Variants in NELL1 observed in about 807,000 individuals in gnomAD.
NELL1 encodes protein kinase C-binding protein NELL1.
In NELL1, 76 loss-of-function variants were observed where a neutral mutation model predicts 107.4. That is an observed-to-expected ratio of 0.71 (90% CI 0.59 to 0.86). NELL1 has a LOEUF of 0.86. Ranked by LOEUF, NELL1 falls within the 40% of genes least tolerant of loss-of-function variation. NELL1 has a pLI of 0.00. For missense variants in NELL1, 1,024 were observed against 1,005.5 expected, an observed-to-expected ratio of 1.02 and a Z score of -0.25; for synonymous variants, 353 against 341.2, an observed-to-expected ratio of 1.03 and a Z score of -0.38.
intron 14 of NELL1, among the ~76,000 whole-genome samples, chr11:21,328,286 G>A (rs745673376): frequency 5.3e-5 from 8 of 151,242 alleles, no homozygotes; most frequent in Non-Finnish European, 1.0e-4. Flanking sequence ...AAAAGGGGCC[G>A]ATGTACAGTT....
chr11:20,866,280 A>G (rs1180426797), intron 4 of NELL1, among the ~76,000 whole-genome samples: 1 of 152,112 alleles, frequency 6.6e-6, no homozygotes, highest in Non-Finnish European at 1.5e-5. Flanking sequence ...CTGGCAGGAG[A>G]ACAGGACCTA....
At chr11:21,336,128 TC>T (rs1427406222) in intron 14 of NELL1, among the ~76,000 whole-genome samples, 1 of 152,214 alleles carries the variant, frequency 6.6e-6, no homozygotes, top group Non-Finnish European at 1.5e-5. Flanking sequence ...AGTGTTTTTT[TC>T]GTAAACTTTC....
chr11:21,244,354 A>G (rs925281260), intron 14 of NELL1, among the ~76,000 whole-genome samples: 3 of 152,128 alleles, frequency 2.0e-5, no homozygotes, highest in African/African-American at 7.2e-5. Flanking sequence ...TCTTACAGCC[A>G]TTAGACAGAG....
At chr11:21,237,167 C>T (rs1554985915) in intron 14 of NELL1, among the ~76,000 whole-genome samples, 1 of 152,102 alleles carries the variant, frequency 6.6e-6, no homozygotes, top group Non-Finnish European at 1.5e-5. Flanking sequence ...GGCTGAGCCA[C>T]CCCACTCATT....
At chr11:21,437,564 G>T (rs955815401) in intron 15 of NELL1, among the ~76,000 whole-genome samples, 1 of 152,056 alleles carries the variant, frequency 6.6e-6, no homozygotes, top group Non-Finnish European at 1.5e-5. Flanking sequence ...TCTCCATGTT[G>T]GTCACTCTGG....
intron 2 of NELL1, chr11:20,769,093 G>A (rs1856591728): frequency 6.6e-6 from 1 of 152,516 alleles, no homozygotes; most frequent in African/African-American, 2.4e-5. Flanking sequence ...AAGGGGAAAT[G>A]AGGAGAGGGG....
chr11:21,048,132 A>T (rs1590581896), intron 12 of NELL1, among the ~76,000 whole-genome samples: 1 of 150,986 alleles, frequency 6.6e-6, no homozygotes. Flanking sequence ...GGAAACATCC[A>T]TTTTTTTTTC....
intron 12 of NELL1, among the ~76,000 whole-genome samples, chr11:21,092,857 A>T (rs984515054): frequency 6.6e-6 from 1 of 152,172 alleles, no homozygotes; most frequent in African/African-American, 2.4e-5. Flanking sequence ...TAGAAGGCCT[A>T]GGGATAGCTC....
rs550936946 is a variant in NELL1, at chr11:20,950,635, A to G, written c.1171+3200A>G. On this transcript the variant is annotated intron_variant, in intron 11 of 19. Transcript: ENST00000357134. ...CTCCCCTTCTCCCCTTCTCTGAAACAGAAAGTAATGAAAAGTCGAGAAACA... is the reference window on the plus strand; with the variant it reads ...CTCCCCTTCTCCCCTTCTCTGAAACGGAAAGTAATGAAAAGTCGAGAAACA... Among the ~76,000 whole-genome samples, 8 of 152,342 alleles carry G rather than the reference A, an allele frequency of 5.3e-5. No individual in the cohort carries two copies. In the South Asian group the frequency reaches 1.2e-3, roughly 24 times the overall value.
intron 3 of NELL1, among the ~76,000 whole-genome samples, chr11:20,846,877 C>T (rs979120419): frequency 6.6e-6 from 1 of 152,080 alleles, no homozygotes; most frequent in African/African-American, 2.4e-5. Flanking sequence ...GAGGAGTGTC[C>T]CAAAGTTGCT....
At chr11:21,276,846 C>T (rs566674626) in intron 14 of NELL1, among the ~76,000 whole-genome samples, 146 of 152,042 alleles carry the variant, frequency 9.6e-4, no homozygotes, top group Admixed American at 1.3e-3. Context: ...GCTAGCCATA[C>T]GTAGAAAGCT....
intron 3 of NELL1, among the ~76,000 whole-genome samples, chr11:20,837,760 T>C (rs1324361819): frequency 6.6e-6 from 1 of 152,096 alleles, no homozygotes; most frequent in East Asian, 1.9e-4. Flanking sequence ...ATAAACAGTG[T>C]TGGATTGTAA....
intron 2 of NELL1, among the ~76,000 whole-genome samples, chr11:20,695,912 T>C (rs1854602669): frequency 6.6e-6 from 1 of 151,948 alleles, no homozygotes; most frequent in Non-Finnish European, 1.5e-5. Context: ...CTGGGCTTTT[T>C]TTTTGGTAGA....
At chr11:20,994,203 A>G (rs1476029680) in intron 12 of NELL1, among the ~76,000 whole-genome samples, 1 of 152,166 alleles carries the variant, frequency 6.6e-6, no homozygotes, top group Non-Finnish European at 1.5e-5. Flanking sequence ...ACATACACCT[A>G]TTTCCTCCCC....
intron 2 of NELL1, among the ~76,000 whole-genome samples, chr11:20,705,110 G>A (rs1325796945): frequency 2.0e-5 from 3 of 152,164 alleles, no homozygotes. Context: ...CAGATTGAAT[G>A]ACATCCCCAT....
chr11:20,721,255 T>A (rs1855381990), intron 2 of NELL1, among the ~76,000 whole-genome samples: 2 of 148,418 alleles, frequency 1.3e-5, no homozygotes, highest in Middle Eastern at 3.3e-3. Context: ...TATATTTATT[T>A]GTTTGTTGTT....
intron 15 of NELL1, among the ~76,000 whole-genome samples, chr11:21,456,414 G>A (rs1303094784): frequency 2.6e-5 from 4 of 151,838 alleles, no homozygotes; most frequent in Admixed American, 6.6e-5. Flanking sequence ...AAAACTGCAC[G>A]ATGTACTTCC....
chr11:21,179,929 T>TA (rs1856794268), intron 13 of NELL1, among the ~76,000 whole-genome samples: 1 of 136,280 alleles, frequency 7.3e-6, no homozygotes, highest in Non-Finnish European at 1.5e-5. Flanking sequence ...TCATAGGTCA[T>TA]ACTGTCTGGG....
chr11:20,859,514 C>A (rs1848939842), intron 4 of NELL1, among the ~76,000 whole-genome samples: 1 of 152,184 alleles, frequency 6.6e-6, no homozygotes, highest in Non-Finnish European at 1.5e-5. Context: ...ATGAGCCATT[C>A]AGCCATTTCT....
Sources: gnomAD v4.1 joint callset for allele counts (sites outside exome capture counted in the v4.1 genomes callset) on GRCh38, gnomAD v4.1.1 for gene constraint, MANE v1.5 for transcripts, NCBI Gene and HGNC (gene_info 2026-07-23, HGNC 2026-07-21) for gene names.